The following VPS13C variants were observed in gnomAD, a reference collection of about 807,000 sequenced individuals.
The protein encoded by VPS13C is vacuolar protein sorting 13 homolog C.
A neutral mutation model predicts 456.8 loss-of-function variants in VPS13C; 358 were observed. The observed-to-expected ratio is 0.78, with a 90% confidence interval of 0.72 to 0.86. VPS13C has a LOEUF of 0.86. VPS13C is among the 40% of genes least tolerant of loss of function. The pLI is 0.00. For missense variants in VPS13C, 4,818 were observed against 4,385.4 expected (o/e 1.10, Z -2.79); for synonymous variants, 1,578 against 1,486.7 (o/e 1.06, Z -1.41).
At chr15:61,965,161 A>G (rs1478919763) in intron 30 of VPS13C, among the ~76,000 whole-genome samples, 5 of 152,006 alleles carry the variant, frequency 3.3e-5, no homozygotes, top group Admixed American at 6.6e-5. Context: ...TTCAACATAC[A>G]GACGGCTTCT....
chr15:62,005,234 GT>G, intron 15 of VPS13C, among the ~76,000 whole-genome samples: 1 of 152,330 alleles, frequency 6.6e-6, no homozygotes, highest in South Asian at 2.1e-4. Flanking sequence ...ATTTAGGAGA[GT>G]TAGCTCTTCT....
chr15:61,979,365 CT>C (rs1253561813), intron 22 of VPS13C, among the ~76,000 whole-genome samples: 1 of 152,040 alleles, frequency 6.6e-6, no homozygotes, highest in Admixed American at 6.6e-5. Context: ...GTTTGAGTCA[CT>C]AAGAAGATTA....
chr15:61,901,023 T>G (rs1285117330), intron 66 of VPS13C, among the ~76,000 whole-genome samples: 10 of 152,056 alleles, frequency 6.6e-5, no homozygotes, highest in Non-Finnish European at 4.4e-5. Context: ...GATTCCCTAT[T>G]TAATAAATGG....
chr15:61,882,752 A>G lies in VPS13C; in HGVS notation c.9484-16T>C. 2 of 1,579,162 alleles carry G rather than the reference A, an allele frequency of 1.3e-6. No homozygotes were observed. The highest frequency in any genetic ancestry group is 1.4e-5 in the African/African-American group (1 of 73,410). On this transcript the variant is annotated splice_polypyrimidine_tract_variant and intron_variant, in intron 68 of 84. Coordinates refer to ENST00000644861, the MANE Select transcript of VPS13C (RefSeq NM_020821.3). Reference sequence around the variant, plus strand: ...CAAAATTGACCTAGAAAAAAAGCACATGTTTTTGTGATGAGCTGATATTAG... The same window carrying G: ...CAAAATTGACCTAGAAAAAAAGCACGTGTTTTTGTGATGAGCTGATATTAG...
At chr15:61,959,687 T>C in intron 35 of VPS13C, 92 bp from the exon 36 acceptor site, 1 of 1,274,008 alleles carries the variant, frequency 7.8e-7, no homozygotes, top group Non-Finnish European at 1.1e-6. Context: ...TATTTGCTGC[T>C]CTAAATACTG....
intron 15 of VPS13C, among the ~76,000 whole-genome samples, chr15:62,004,197 A>C (rs1385477688): frequency 3.2e-4 from 49 of 151,264 alleles, no homozygotes; most frequent in Admixed American, 8.5e-4. Context: ...ACAATTTCAG[A>C]TCCTGTTATT....
Position 62,012,119 on chromosome 15 carries a change from T to C in VPS13C, c.871A>G (p.Asn291Asp), listed in dbSNP as rs1160952096. The change falls in exon 12 of 85, where the codon AAT (asparagine) becomes GAT (aspartate). Residue 291 changes from asparagine (N) to aspartate (D), a missense_variant. Physicochemically the swap from Asn to Asp is conservative, Grantham distance 23 (BLOSUM62 1). This residue lies in a region of VPS13C where 4,552 missense variants were observed against 4,130.6 expected (regional missense o/e 1.10). Coordinates refer to ENST00000644861, the MANE Select transcript of VPS13C (RefSeq NM_020821.3). ...EILTSGNIPP[N>D]YQYIFQPISA... The stretch of plus-strand genomic sequence containing the variant: ...TACTATTACTTACTGTATTGATAAT[T>C]TGGGGGTATATTTCCACTTGTAAGA... The C allele has an allele frequency of 2.6e-6, 4 of 1,528,670 alleles. No homozygotes were observed. The highest frequency in any genetic ancestry group is 1.1e-5 in the South Asian group (1 of 88,566). 94.7% of individuals were successfully genotyped at this position (1,528,670 alleles called of 1,614,324 possible).
chr15:62,045,247 G>C (rs901582735), intron 1 of VPS13C, among the ~76,000 whole-genome samples: 1 of 150,468 alleles, frequency 6.6e-6, no homozygotes, highest in Non-Finnish European at 1.5e-5. Flanking sequence ...AGAGGGGACT[G>C]TGCAAAAGTA....
chr15:61,923,137 A>G (rs1374754385), intron 53 of VPS13C, among the ~76,000 whole-genome samples: 5 of 152,106 alleles, frequency 3.3e-5, no homozygotes, highest in African/African-American at 9.7e-5. Context: ...AAAAACAGCT[A>G]CATTAACTAA....
chr15:62,011,913 C>T (rs563898347), intron 12 of VPS13C, among the ~76,000 whole-genome samples, 194 bp downstream of exon 12: 9 of 152,064 alleles, frequency 5.9e-5, no homozygotes, highest in African/African-American at 1.7e-4. Context: ...TTCTCTCTCT[C>T]TTATTCTCCA....
chr15:62,002,193 G>T lies in VPS13C; in HGVS notation c.1291-1567C>A, dbSNP rs201723511. On this transcript the variant is annotated intron_variant, in intron 15 of 84. Coordinates refer to ENST00000644861, the MANE Select transcript of VPS13C (RefSeq NM_020821.3). Reference sequence around the variant, plus strand: ...TCTCCAGCACCTGTTGTTTCCTGACGTTTTAATGATCGCCATTCTAACTGG... The same window carrying T: ...TCTCCAGCACCTGTTGTTTCCTGACTTTTTAATGATCGCCATTCTAACTGG... 1.2e-3 allele frequency among the ~76,000 whole-genome samples: 177 copies of T among 152,160 alleles called. No individual in the cohort carries two copies. The East Asian group carries it at 0.025, about 22-fold the overall frequency.
intron 60 of VPS13C, among the ~76,000 whole-genome samples, chr15:61,917,082 T>C (rs2043495211): frequency 6.6e-6 from 1 of 152,144 alleles, no homozygotes; most frequent in South Asian, 2.1e-4. Context: ...TTTTCTTATG[T>C]GTAAAATGGG....
Position 61,964,832 on chromosome 15 carries a change from CA to C in VPS13C, c.3080del (p.Leu1027ArgfsTer24), listed in dbSNP as rs1217680609. The C allele has an allele frequency of 6.3e-7, 1 of 1,598,486 alleles. No individual in the cohort carries two copies. Among genetic ancestry groups the C allele is most frequent in the African/African-American group, 1.4e-5 (1 of 73,804 alleles). On this transcript the variant is annotated frameshift_variant, in exon 31 of 85. Transcript: ENST00000644861. LOFTEE classifies it high-confidence loss of function. ...KVAFSSLNLL[L>X]QTQALVASIN... is the part of the protein sequence containing the mutation. ...TAGAAGCGACAAGAGCTTGTGTTTG[CA>C]GCAACAGATTTAAAGATGAAAAGGC...
At chr15:62,027,681 T>C (rs1175389076) in intron 6 of VPS13C, among the ~76,000 whole-genome samples, 1 of 152,116 alleles carries the variant, frequency 6.6e-6, no homozygotes, top group Non-Finnish European at 1.5e-5. Context: ...TCTTGAAGTA[T>C]GATATAAAAC....
chr15:61,941,716 A>T, intron 46 of VPS13C, 47 bp downstream of exon 46: 1 of 1,511,850 alleles, frequency 6.6e-7, no homozygotes, highest in Non-Finnish European at 8.9e-7. Context: ...ATTGTATGAA[A>T]ATCCTATTTC....
Position 62,020,554 on chromosome 15 carries a change from A to G in VPS13C, c.625-16T>C. On this transcript the variant is annotated splice_polypyrimidine_tract_variant and intron_variant, in intron 8 of 84. Coordinates refer to ENST00000644861, the MANE Select transcript of VPS13C (RefSeq NM_020821.3). ...GATCAGTGACCTACCAAAGAAGAAA[A>G]GATAACAGTAAAATATGCTGATGGT... 1 of 1,610,224 alleles carries G rather than the reference A, an allele frequency of 6.2e-7. No individual in the cohort carries two copies. The highest frequency in any genetic ancestry group is 8.5e-7 in the Non-Finnish European group (1 of 1,177,674).
chr15:61,996,084 G>A (rs1418329956), intron 16 of VPS13C, among the ~76,000 whole-genome samples: 11 of 152,198 alleles, frequency 7.2e-5, no homozygotes, highest in Admixed American at 7.2e-4. Flanking sequence ...GGCAGGGAAA[G>A]AGCTGGAGAA....
chr15:61,933,728 T>C (rs1258517601), intron 49 of VPS13C, among the ~76,000 whole-genome samples: 1 of 152,094 alleles, frequency 6.6e-6, no homozygotes, highest in Admixed American at 6.6e-5. Context: ...GGCTCTTCAA[T>C]TCTTTAATTA....
chr15:61,946,212 G>T (rs1180440758), intron 44 of VPS13C, 95 bp downstream of exon 44: 20 of 980,106 alleles, frequency 2.0e-5, no homozygotes, highest in Non-Finnish European at 2.8e-5. Flanking sequence ...CCTGGTACAT[G>T]ACAGATAATA....
Sources: gnomAD v4.1 joint callset for allele counts (sites outside exome capture counted in the v4.1 genomes callset) on GRCh38, gnomAD v4.1.1 for gene constraint, gnomAD v4.1.1 regional missense constraint, MANE v1.5 for transcripts, NCBI Gene and HGNC (gene_info 2026-07-23, HGNC 2026-07-21) for gene names.